NKD1: variants seen among roughly 807,000 people sequenced by gnomAD.
NKD1 encodes the protein protein naked cuticle homolog 1.
A neutral mutation model predicts 56.0 loss-of-function variants in NKD1; 21 were observed. That is an observed-to-expected ratio of 0.38 (90% CI 0.27 to 0.54). The LOEUF (loss-of-function observed/expected upper bound fraction) is 0.54. Among genes scored for constraint, NKD1 ranks in the 20% least tolerant of loss-of-function variants. The pLI is 0.82. For missense variants in NKD1, 578 were observed against 642.7 expected (o/e 0.90, Z 1.09); for synonymous variants, 263 against 265.7 (o/e 0.99, Z 0.10).
At position 50,623,443 on chromosome 16, in the gene NKD1, G is replaced by T. The variant is rs1009378337; in HGVS notation, c.366+1735G>T. 6.6e-6 allele frequency among the ~76,000 whole-genome samples: 1 copy of T among 152,128 alleles called. No individual in the cohort carries two copies. Among genetic ancestry groups the T allele is most frequent in the African/African-American group, 2.4e-5 (1 of 41,434 alleles). On this transcript the variant is annotated intron_variant, in intron 5 of 9. Transcript: ENST00000268459. The surrounding 1 kb of genome is among the most constrained non-coding windows in gnomAD (Gnocchi z 4.1). ...CTAAGCCCACCTGGGTCCTTGTAGGGTCTTTTGGGGAGCTTGGCAAAGCCC... is the reference window on the plus strand; with the variant it reads ...CTAAGCCCACCTGGGTCCTTGTAGGTTCTTTTGGGGAGCTTGGCAAAGCCC...
At chr16:50,549,321 C>G (rs1171995783) in intron 2 of NKD1, 101 bp from the exon 3 acceptor site, 1 of 1,450,588 alleles carries the variant, frequency 6.9e-7, no homozygotes, top group Non-Finnish European at 9.3e-7. Context: ...GCCCCCGTGC[C>G]GTGGTCCTTC....
intron 3 of NKD1, among the ~76,000 whole-genome samples, chr16:50,594,268 C>T (rs1044890099): frequency 1.3e-5 from 2 of 152,256 alleles, no homozygotes; most frequent in Admixed American, 6.5e-5. Context: ...GGATTGGCCA[C>T]AGTGTGACCA....
At chr16:50,579,911 A>G (rs991872877) in intron 3 of NKD1, among the ~76,000 whole-genome samples, 2 of 151,980 alleles carry the variant, frequency 1.3e-5, no homozygotes, top group Non-Finnish European at 2.9e-5. Context: ...CTCGCCACAC[A>G]TGCACTGTTT....
At chr16:50,625,191 A>T (rs757613895) in intron 5 of NKD1, 3 of 439,620 alleles carry the variant, frequency 6.8e-6, no homozygotes, top group Non-Finnish European at 1.2e-5. Context: ...AGCTTTTCTG[A>T]GGCCACAGTG....
chr16:50,595,201 C>G (rs1961447930), intron 3 of NKD1, among the ~76,000 whole-genome samples: 1 of 152,160 alleles, frequency 6.6e-6, no homozygotes, highest in African/African-American at 2.4e-5. Context: ...TATTCGGATC[C>G]TGGCTCTGCT....
chr16:50,646,894 TG>T lies in NKD1; in HGVS notation c.*13114del, dbSNP rs1310645419. 2.0e-5 allele frequency: 3 copies of T among 152,272 alleles called. No homozygotes were observed. The highest frequency in any genetic ancestry group is 7.2e-5 in the African/African-American group (3 of 41,462). The allele number at this position is 152,272 out of a possible 1,614,324, so 9.4% of individuals were successfully genotyped here. On this transcript the variant is annotated 3_prime_UTR_variant, in exon 10 of 10. Coordinates refer to ENST00000268459, the MANE Select transcript of NKD1 (RefSeq NM_033119.5). ...CTGGGTCAGGATATCCCCAGGGTCA[TG>T]CCTCTGCCACCCAGACCCCACCACA...
chr16:50,628,539 C>T (rs117746331), intron 6 of NKD1, among the ~76,000 whole-genome samples: 4,610 of 152,264 alleles, frequency 0.03, 117 homozygotes, highest in Non-Finnish European at 0.048. Context: ...TTGCCCTGCA[C>T]CCCAACACCA....
At chr16:50,599,904 T>C (rs1961556529) in intron 3 of NKD1, among the ~76,000 whole-genome samples, 1 of 152,168 alleles carries the variant, frequency 6.6e-6, no homozygotes, top group African/African-American at 2.4e-5. Context: ...GTTGGTGTTT[T>C]GGGTTTTTTT....
At position 50,634,045 on chromosome 16, in the gene NKD1, G is replaced by C. The variant is rs1005613378; in HGVS notation, c.*264G>C. 3.0e-6 allele frequency: 1 copy of C among 334,658 alleles called. No individual in the cohort carries two copies. The highest frequency in any genetic ancestry group is 2.1e-5 in the African/African-American group (1 of 46,720). 20.7% of individuals were successfully genotyped at this position (334,658 alleles called of 1,614,324 possible). ...GCCTGTAATGGGCAGAGGCTCCCTC[G>C]GGGCTCGGGATCTGCAGCATCTATG... On this transcript the variant is annotated 3_prime_UTR_variant, in exon 10 of 10. Coordinates refer to ENST00000268459, the MANE Select transcript of NKD1 (RefSeq NM_033119.5).
chr16:50,621,699 G>A lies in NKD1; in HGVS notation c.357G>A (p.Leu119=). The A allele has an allele frequency of 1.2e-6, 2 of 1,613,216 alleles. No homozygotes were observed. Among genetic ancestry groups the A allele is most frequent in the Admixed American group, 1.7e-5 (1 of 59,958 alleles). The change falls in exon 5 of 10, where the codon CTG becomes CTA. Residue 119 remains leucine (L), a synonymous_variant. Transcript: ENST00000268459. ...SEPCPGSKKQ[L]KFEELQCDVS... Reference sequence around the variant, plus strand: ...CCTGCCCAGGCTCCAAGAAGCAGCTGAAGTTTGAAGTAAGTTTCCTTTTGG... The same window carrying A: ...CCTGCCCAGGCTCCAAGAAGCAGCTAAAGTTTGAAGTAAGTTTCCTTTTGG...
rs995275045 is a variant in NKD1, at chr16:50,598,717, G to A, written c.193-9577G>A. On this transcript the variant is annotated intron_variant, in intron 3 of 9. Coordinates refer to ENST00000268459, the MANE Select transcript of NKD1 (RefSeq NM_033119.5). The surrounding 1 kb of genome is among the most constrained non-coding windows in gnomAD (Gnocchi z 4.2). Reference sequence around the variant, plus strand: ...TCTTATCAGCACTCGGCTGTGTGGCGTGGCGGGCCAGTGGCTGGGCTAGTC... The same window carrying A: ...TCTTATCAGCACTCGGCTGTGTGGCATGGCGGGCCAGTGGCTGGGCTAGTC... Among the ~76,000 whole-genome samples, 16 of 152,214 alleles carry A rather than the reference G, an allele frequency of 1.1e-4. No individual in the cohort carries two copies. Among genetic ancestry groups the A allele is most frequent in the East Asian group, 5.8e-4 (3 of 5,186 alleles).
intron 8 of NKD1, among the ~76,000 whole-genome samples, chr16:50,631,792 C>T (rs982172499): frequency 1.3e-5 from 2 of 152,208 alleles, no homozygotes; most frequent in Admixed American, 6.5e-5. Context: ...CATGTGCACA[C>T]ACACACTCAC....
chr16:50,571,642 T>C (rs779295190), intron 3 of NKD1: 11 of 483,046 alleles, frequency 2.3e-5, no homozygotes, highest in Non-Finnish European at 3.0e-5. Flanking sequence ...AGCTGCCAGA[T>C]GGACACCTTT....
chr16:50,555,225 G>C (rs1422481727), intron 3 of NKD1: 1 of 152,446 alleles, frequency 6.6e-6, no homozygotes, highest in Non-Finnish European at 1.5e-5. Context: ...GGAGGCTTCT[G>C]TGTGGAATCA....
chr16:50,580,428 A>G (rs1961093103), intron 3 of NKD1, among the ~76,000 whole-genome samples: 1 of 152,252 alleles, frequency 6.6e-6, no homozygotes, highest in African/African-American at 2.4e-5. Context: ...AATAGCAGGT[A>G]CACGCAGGGA....
At chr16:50,626,584 C>A (rs980913597) in intron 6 of NKD1, among the ~76,000 whole-genome samples, 1 of 152,298 alleles carries the variant, frequency 6.6e-6, no homozygotes, top group Middle Eastern at 3.4e-3. Flanking sequence ...GGCCAATCAG[C>A]AGAAGAGACA....
chr16:50,617,814 T>C (rs1056509550), intron 4 of NKD1, among the ~76,000 whole-genome samples: 4 of 152,214 alleles, frequency 2.6e-5, no homozygotes, highest in African/African-American at 9.6e-5. Flanking sequence ...AGGCAAGTAA[T>C]AGGTGAAACT....
At chr16:50,571,547 C>G (rs1960884039) in intron 3 of NKD1, 17 of 984,754 alleles carry the variant, frequency 1.7e-5, no homozygotes, top group Non-Finnish European at 2.0e-5. Flanking sequence ...GCCTCCCAGT[C>G]CCAGTGACGG....
At chr16:50,615,611 C>T (rs1007501785) in intron 4 of NKD1, among the ~76,000 whole-genome samples, 5 of 152,094 alleles carry the variant, frequency 3.3e-5, no homozygotes, top group African/African-American at 7.2e-5. Context: ...CACAGAGAGA[C>T]GGGACTGAGA....
Sources: allele counts gnomAD v4.1 joint callset (sites outside exome capture counted in the v4.1 genomes callset), GRCh38; gene constraint gnomAD v4.1.1; non-coding constraint Gnocchi (gnomAD v3.1); transcripts MANE v1.5; gene names NCBI Gene and HGNC (gene_info 2026-07-23, HGNC 2026-07-21).